Variants in PRKAR1A observed in about 807,000 individuals in gnomAD.
PRKAR1A encodes cAMP-dependent protein kinase type I-alpha regulatory subunit.
PRKAR1A carries 3 observed loss-of-function variants against 52.0 expected under a neutral mutation model. The ratio of observed to expected loss-of-function variants is 0.06; its 90% confidence interval spans 0.03 to 0.15. PRKAR1A has a LOEUF of 0.15. Among genes scored for constraint, PRKAR1A ranks in the 10% least tolerant of loss-of-function variants. The pLI, the probability that PRKAR1A is intolerant of heterozygous loss-of-function variation, is 1.00. For synonymous variants in PRKAR1A, 188 were observed against 168.4 expected (o/e 1.12, Z -0.90); for missense variants, 240 against 477.4 (o/e 0.50, Z 4.63).
At chr17:68,505,201 G>T in the PRKAR1A span, among the ~76,000 whole-genome samples, 1 of 152,228 alleles carries the variant, frequency 6.6e-6, no homozygotes, top group African/African-American at 2.4e-5. Context: ...GGGAGGCTGA[G>T]GTGGGAGGAT....
In PRKAR1A at chr17:68,531,121, T is replaced by C. The variant is rs546125048; in HGVS notation, c.*672T>C. 3.1e-4 allele frequency: 327 copies of C among 1,067,804 alleles called. 4 individuals carry two copies. In the South Asian group the frequency reaches 0.012, roughly 40 times the overall value. 66.1% of individuals were successfully genotyped at this position (1,067,804 alleles called of 1,614,324 possible). ...TTTCTTCTCCAATTCTGAAATACTTTTGAGTATGGCTATCTATACCTGCCT... is the reference window on the plus strand; with the variant it reads ...TTTCTTCTCCAATTCTGAAATACTTCTGAGTATGGCTATCTATACCTGCCT... On this transcript the variant is annotated 3_prime_UTR_variant, in exon 11 of 11. Transcript: ENST00000589228.
chr17:68,471,096 A>G, the PRKAR1A span, among the ~76,000 whole-genome samples: 4 of 152,140 alleles, frequency 2.6e-5, no homozygotes, highest in African/African-American at 9.7e-5. Context: ...AATTCAATGC[A>G]TTTTTTCCCC....
At chr17:68,472,659 G>A in the PRKAR1A span, among the ~76,000 whole-genome samples, 1 of 152,102 alleles carries the variant, frequency 6.6e-6, no homozygotes, top group Non-Finnish European at 1.5e-5. Flanking sequence ...ATCATTTTAT[G>A]TAATGGCTGG....
intron 11 of PRKAR1A, among the ~76,000 whole-genome samples, chr17:68,549,447 T>C (rs573968577): frequency 6.7e-6 from 1 of 149,412 alleles, no homozygotes; most frequent in East Asian, 2.0e-4. Flanking sequence ...TGAGCCGAGA[T>C]AGCGCCACTG....
chr17:68,415,044 CT>C, the PRKAR1A span, among the ~76,000 whole-genome samples: 12 of 152,032 alleles, frequency 7.9e-5, no homozygotes, highest in Admixed American at 7.9e-4. Context: ...CTGCTCTGAT[CT>C]TGGTTATTTC....
chr17:68,549,096 T>C (rs1038698924), intron 11 of PRKAR1A, among the ~76,000 whole-genome samples: 4 of 152,222 alleles, frequency 2.6e-5, no homozygotes, highest in Admixed American at 2.6e-4. Flanking sequence ...TTAATTTATT[T>C]TCCTGCAAAG....
chr17:68,466,437 A>C, the PRKAR1A span, among the ~76,000 whole-genome samples: 1 of 134,202 alleles, frequency 7.5e-6, no homozygotes, highest in African/African-American at 2.9e-5. Context: ...TTTGAGACAG[A>C]GTCTCACTCT....
the PRKAR1A span, among the ~76,000 whole-genome samples, chr17:68,465,625 A>ATTTTTTTTTTTTTTTTT: frequency 2.3e-3 from 156 of 67,186 alleles, 18 homozygotes; most frequent in Non-Finnish European, 3.0e-3. Context: ...ACGCCCAGCA[A>ATTTTTTTTTTTTTTTTT]TTTTTTTTTT....
chr17:68,440,881 G>A, the PRKAR1A span: 1 of 152,178 alleles, frequency 6.6e-6, no homozygotes, highest in African/African-American at 2.4e-5. Flanking sequence ...AATGTCTCAG[G>A]TTACGCTTTC....
rs776828730 is a variant in PRKAR1A at position 68,515,379 on chromosome 17, G to T, written c.-6-15G>T. 3 of 1,612,412 alleles carry T rather than the reference G, an allele frequency of 1.9e-6. No individual in the cohort carries two copies. Among genetic ancestry groups the T allele is most frequent in the Non-Finnish European group, 2.5e-6 (3 of 1,179,988 alleles). On this transcript the variant is annotated splice_polypyrimidine_tract_variant and intron_variant, in intron 1 of 10. Coordinates refer to ENST00000589228, the MANE Select transcript of PRKAR1A (RefSeq NM_002734.5). ...TTATAGTTTATACAAGCATGTGTGT[G>T]TTTTTTTCTCGCAGAGAACCATGGA...
At chr17:68,492,760 G>T in the PRKAR1A span, among the ~76,000 whole-genome samples, 1 of 152,204 alleles carries the variant, frequency 6.6e-6, no homozygotes, top group African/African-American at 2.4e-5. Context: ...CAGAAGGAGA[G>T]ACCAAGGCAA....
chr17:68,480,176 TC>T, the PRKAR1A span, among the ~76,000 whole-genome samples: 3 of 152,224 alleles, frequency 2.0e-5, no homozygotes, highest in Non-Finnish European at 4.4e-5. Flanking sequence ...CCTAGGGTTT[TC>T]CCCTTAGATT....
intron 11 of PRKAR1A, chr17:68,541,880 T>C (rs1344363650): frequency 4.4e-6 from 6 of 1,363,498 alleles, no homozygotes; most frequent in Non-Finnish European, 6.1e-6. Flanking sequence ...AAAGGAGTAT[T>C]GAGGCAGCTT....
chr17:68,481,636 T>G, the PRKAR1A span, among the ~76,000 whole-genome samples: 1 of 152,228 alleles, frequency 6.6e-6, no homozygotes, highest in African/African-American at 2.4e-5. Flanking sequence ...TTATATTAAT[T>G]GATCTAGAAT....
chr17:68,421,653 C>CA, the PRKAR1A span: 4 of 1,410,172 alleles, frequency 2.8e-6, no homozygotes, highest in South Asian at 4.7e-5. Context: ...AGCAGTGGAG[C>CA]ACCCGGGATT....
At chr17:68,450,785 T>C in the PRKAR1A span, 1 of 1,614,048 alleles carries the variant, frequency 6.2e-7, no homozygotes, top group African/African-American at 1.3e-5. Context: ...TACAGATCTC[T>C]GTGCCTTTCT....
the PRKAR1A span, among the ~76,000 whole-genome samples, chr17:68,446,872 C>T: frequency 1.8e-4 from 28 of 152,198 alleles, 1 homozygote; most frequent in Admixed American, 1.8e-3. Context: ...TCAGGTCACC[C>T]TCATGCTGGC....
At chr17:68,511,908 TG>T (rs2085272542), upstream of PRKAR1A, 2 of 152,056 alleles carry the variant, frequency 1.3e-5, no homozygotes, top group Non-Finnish European at 2.9e-5. Context: ...GGCCCTCCCT[TG>T]CAGGGGCTGC....
At chr17:68,547,222 T>C (rs1174729977) in intron 11 of PRKAR1A, among the ~76,000 whole-genome samples, 2 of 152,218 alleles carry the variant, frequency 1.3e-5, no homozygotes, top group Non-Finnish European at 2.9e-5. Flanking sequence ...CCAGCGACAT[T>C]ATCACCTAAC....
Sources: gnomAD v4.1 joint callset for allele counts (sites outside exome capture counted in the v4.1 genomes callset) on GRCh38, gnomAD v4.1.1 for gene constraint, MANE v1.5 for transcripts, NCBI Gene and HGNC (gene_info 2026-07-23, HGNC 2026-07-21) for gene names.